UCKL1: variants seen among roughly 807,000 people sequenced by gnomAD.
UCKL1 encodes the protein uridine-cytidine kinase-like 1.
A neutral mutation model predicts 59.2 loss-of-function variants in UCKL1; 65 were observed. The ratio of observed to expected loss-of-function variants is 1.10; its 90% confidence interval spans 0.90 to 1.35. The LOEUF is 1.35. UCKL1 is among the 40% of genes most tolerant of loss of function. The pLI is 0.00. For synonymous variants in UCKL1, 410 were observed against 323.1 expected (o/e 1.27, Z -2.88); for missense variants, 703 against 784.3 (o/e 0.90, Z 1.24).
intron 1 of UCKL1, among the ~76,000 whole-genome samples, chr20:63,949,543 C>CA (rs2057259933): frequency 6.6e-6 from 1 of 152,206 alleles, no homozygotes. Context: ...CCCGGGGCCA[C>CA]CCCTCCCAGC....
In UCKL1 at chr20:63,944,758, A is replaced by G. The variant is rs1345749284; in HGVS notation, c.655-24T>C. Reference sequence around the variant, plus strand: ...AGCTGGTGGAGACAGCGGGCCAGTGAGTGGCCAGATGCCAGCAGTGGGCAT... The same window carrying G: ...AGCTGGTGGAGACAGCGGGCCAGTGGGTGGCCAGATGCCAGCAGTGGGCAT... On this transcript the variant is annotated intron_variant, in intron 5 of 14. Coordinates refer to ENST00000354216, the MANE Select transcript of UCKL1 (RefSeq NM_017859.4). 1.2e-6 allele frequency: 2 copies of G among 1,610,390 alleles called. 1 individual carries two copies. Among genetic ancestry groups the G allele is most frequent in the South Asian group, 2.2e-5 (2 of 90,924 alleles).
rs1306230722 is a variant in UCKL1 at position 63,946,193 on chromosome 20, C to T, written c.379G>A (p.Val127Met). Residue 127 changes from valine (V) to methionine (M), a missense_variant, in exon 3 of 15, where the codon GTG (valine) becomes ATG (methionine). Around this residue, in one of 4 missense-constraint regions of UCKL1, gnomAD observed 398 missense variants for 373.0 expected, o/e 1.07. Transcript: ENST00000354216. ...MIIEALDVPWVVLLSMDSFYK... is the reference protein window; with the variant it reads ...MIIEALDVPWMVLLSMDSFYK... Reference sequence around the variant, plus strand: ...AAGGAGTCCATGGACAGCAAGACCACCCAGGGCACATCCAGGGCCTCGATG... The same window carrying T: ...AAGGAGTCCATGGACAGCAAGACCATCCAGGGCACATCCAGGGCCTCGATG... 2 of 1,612,076 alleles carry T rather than the reference C, an allele frequency of 1.2e-6. No homozygotes were observed. Among genetic ancestry groups the T allele is most frequent in the East Asian group, 2.2e-5 (1 of 44,826 alleles).
chr20:63,952,953 G>T (rs2057909750), intron 1 of UCKL1, among the ~76,000 whole-genome samples: 1 of 152,262 alleles, frequency 6.6e-6, no homozygotes, highest in Non-Finnish European at 1.5e-5. Context: ...TCATCGTCAA[G>T]AAATAGGCAC....
chr20:63,942,661 T>C (rs746910450), intron 8 of UCKL1: 6 of 509,202 alleles, frequency 1.2e-5, no homozygotes, highest in African/African-American at 3.9e-5. Context: ...TGACCCTCCC[T>C]CCTGCCCCCG....
In UCKL1 at chr20:63,946,590, GAGCGCCCAGTGCCCACAGGTGGC is replaced by G. The variant is rs1400406175; in HGVS notation, c.144_166del (p.Pro49SerfsTer34). ...CTGGCTGGTGGTCCGCTTCCGGGGAGAGCGCCCAGTGCCCACAGGTGGCAGGAGCCTGTCCAGGGACTCTGCAT... is the reference window on the plus strand; with the variant it reads ...CTGGCTGGTGGTCCGCTTCCGGGGAGAGGAGCCTGTCCAGGGACTCTGCAT... On this transcript the variant is annotated frameshift_variant, in exon 2 of 15. Coordinates refer to ENST00000354216, the MANE Select transcript of UCKL1 (RefSeq NM_017859.4). LOFTEE classifies it high-confidence loss of function. 2 of 1,611,232 alleles carry G rather than the reference GAGCGCCCAGTGCCCACAGGTGGC, an allele frequency of 1.2e-6. No individual in the cohort carries two copies. The highest frequency in any genetic ancestry group is 8.5e-7 in the Non-Finnish European group (1 of 1,179,868).
intron 1 of UCKL1, among the ~76,000 whole-genome samples, chr20:63,948,018 C>T (rs776730201): frequency 8.5e-5 from 13 of 152,160 alleles, no homozygotes; most frequent in East Asian, 5.8e-4. Context: ...ATCAACGTGG[C>T]GCCTGCCCAG....
intron 1 of UCKL1, chr20:63,948,588 A>AAAGGGAGGGGCGTGTGT (rs2056928999): frequency 5.8e-5 from 2 of 34,384 alleles, no homozygotes; most frequent in African/African-American, 3.1e-4. Context: ...GATGTGTGTG[A>AAAGGGAGGGGCGTGTGT]GAGGGAGGGG....
intron 1 of UCKL1, chr20:63,955,241 G>C (rs1217958452): frequency 1.3e-5 from 2 of 152,336 alleles, no homozygotes; most frequent in African/African-American, 4.8e-5. Context: ...GACAGAGTGA[G>C]ACTCCATCTC....
intron 8 of UCKL1, chr20:63,941,628 C>T (rs1393446539): frequency 4.4e-6 from 1 of 229,526 alleles, no homozygotes; most frequent in Non-Finnish European, 9.7e-6. Context: ...GGTCAGGCCC[C>T]GCCCTGGCTC....
intron 8 of UCKL1, 70 bp downstream of exon 8, chr20:63,943,583 C>T: frequency 6.2e-7 from 1 of 1,609,146 alleles, no homozygotes; most frequent in Non-Finnish European, 8.5e-7. Context: ...TGGATCACAG[C>T]CCAGACCCCA....
chr20:63,946,595 C>A lies in UCKL1; in HGVS notation c.162G>T (p.Gly54=). The A allele has an allele frequency of 6.2e-7, 1 of 1,611,072 alleles. No individual in the cohort carries two copies. Among genetic ancestry groups the A allele is most frequent in the South Asian group, 1.1e-5 (1 of 91,056 alleles). Residue 54 remains glycine (G), a synonymous_variant, in exon 2 of 15, where the codon GGG becomes GGT. Coordinates refer to ENST00000354216, the MANE Select transcript of UCKL1 (RefSeq NM_017859.4). ...TGGTGGTCCGCTTCCGGGGAGAGCGCCCAGTGCCCACAGGTGGCAGGAGCC... is the reference window on the plus strand; with the variant it reads ...TGGTGGTCCGCTTCCGGGGAGAGCGACCAGTGCCCACAGGTGGCAGGAGCC... The part of the protein sequence containing the change: ...LDRLLPPVGT[G]RSPRKRTTSQ...
At chr20:63,942,521 G>A in intron 8 of UCKL1, 1 of 1,161,486 alleles carries the variant, frequency 8.6e-7, no homozygotes, top group Non-Finnish European at 1.1e-6. Flanking sequence ...TGTTCAGGGA[G>A]GGAACAAGGC....
chr20:63,951,388 T>C (rs2146702838), intron 1 of UCKL1, among the ~76,000 whole-genome samples: 1 of 152,182 alleles, frequency 6.6e-6, no homozygotes, highest in Non-Finnish European at 1.5e-5. Context: ...TGGAAAAAGC[T>C]ACAGTACCCC....
rs1601128446 is a variant in UCKL1, at chr20:63,945,795, C to T, written c.582+10G>A. 1 of 1,613,480 alleles carries T rather than the reference C, an allele frequency of 6.2e-7. No homozygotes were observed. Among genetic ancestry groups the T allele is most frequent in the African/African-American group, 1.3e-5 (1 of 75,052 alleles). On this transcript the variant is annotated intron_variant, in intron 4 of 14. Coordinates refer to ENST00000354216, the MANE Select transcript of UCKL1 (RefSeq NM_017859.4). ...CCCCCCGAGGCCCCCTCTGCAGGGC[C>T]CTGGCCTACCCAGTCCTTCTTCCGG...
chr20:63,941,758 C>T (rs2054522978), intron 8 of UCKL1: 1 of 212,496 alleles, frequency 4.7e-6, no homozygotes. Flanking sequence ...GGGGCAGCAG[C>T]AGGTCTAGGA....
chr20:63,941,322 C>G (rs1030715797), intron 8 of UCKL1, 114 bp from the exon 9 acceptor site: 2 of 1,430,948 alleles, frequency 1.4e-6, no homozygotes, highest in Non-Finnish European at 1.9e-6. Context: ...AGGCACAGCA[C>G]GAGGTGCAGA....
intron 1 of UCKL1, among the ~76,000 whole-genome samples, chr20:63,952,806 G>A (rs2057874569): frequency 6.6e-6 from 1 of 152,140 alleles, no homozygotes; most frequent in African/African-American, 2.4e-5. Flanking sequence ...ACAGTCGAAT[G>A]TGGCTCAGTC....
Position 63,940,462 on chromosome 20 carries a change from C to G in UCKL1, c.1326G>C (p.Lys442Asn). 1 of 1,612,038 alleles carries G rather than the reference C, an allele frequency of 6.2e-7. No individual in the cohort carries two copies. ...GGATCACGTGGTCATCGCTGATGTCCTTGGGCAGCCTCAGGTAGTGGAGCT... is the reference window on the plus strand; with the variant it reads ...GGATCACGTGGTCATCGCTGATGTCGTTGGGCAGCCTCAGGTAGTGGAGCT... ...EPELHYLRLPKDISDDHVILM... is the reference protein window; with the variant it reads ...EPELHYLRLPNDISDDHVILM... The change falls in exon 13 of 15, where the codon AAG becomes AAC. Residue 442 changes from lysine to asparagine, a missense_variant. By Grantham distance (94) the Lys-to-Asn change is moderately conservative (BLOSUM62 0). Transcript: ENST00000354216.
intron 8 of UCKL1, 49 bp downstream of exon 8, chr20:63,943,604 G>A (rs1457483898): frequency 6.2e-7 from 1 of 1,612,220 alleles, no homozygotes; most frequent in East Asian, 2.2e-5. Context: ...GAGCTCCTTG[G>A]AGGTGTTGGA....
Sources: gnomAD v4.1 joint callset for allele counts (sites outside exome capture counted in the v4.1 genomes callset) on GRCh38, gnomAD v4.1.1 for gene constraint, gnomAD v4.1.1 regional missense constraint, MANE v1.5 for transcripts, NCBI Gene and HGNC (gene_info 2026-07-23, HGNC 2026-07-21) for gene names.